The following MTOR variants were observed in gnomAD, a reference collection of about 807,000 sequenced individuals.
The protein encoded by MTOR is serine/threonine-protein kinase mTOR.
A neutral mutation model predicts 319.8 loss-of-function variants in MTOR; 70 were observed. The observed-to-expected ratio is 0.22, with a 90% CI of 0.18 to 0.27. The LOEUF (loss-of-function observed/expected upper bound fraction) is 0.27. MTOR is among the 10% of genes least tolerant of loss of function. The probability of loss-of-function intolerance (pLI) is 1.00; values close to 1 mark genes in which losing one functional copy is unlikely to be tolerated. For missense variants in MTOR, 1,890 were observed against 3,274.4 expected, an observed-to-expected ratio of 0.58 and a Z score of 10.32; for synonymous variants, 1,183 against 1,211.4, an observed-to-expected ratio of 0.98 and a Z score of 0.49.
intron 26 of MTOR, among the ~76,000 whole-genome samples, chr1:11,200,932 T>G (rs897731536): frequency 2.6e-5 from 4 of 151,816 alleles, no homozygotes; most frequent in Admixed American, 1.3e-4. Flanking sequence ...GGAGAATGGC[T>G]TGAACCTGGG....
chr1:11,242,500 CAAAAAA>C, intron 9 of MTOR, among the ~76,000 whole-genome samples: 1 of 52,632 alleles, frequency 1.9e-5, no homozygotes, highest in African/African-American at 8.6e-5. Flanking sequence ...GACTCCATCT[CAAAAAA>C]AAAAAAAAAA....
At chr1:11,256,713 G>A (rs567904601) in intron 4 of MTOR, among the ~76,000 whole-genome samples, 18 of 152,072 alleles carry the variant, frequency 1.2e-4, no homozygotes, top group Non-Finnish European at 2.2e-4. Flanking sequence ...TGCCTCCTCC[G>A]AAGGGCAGCA....
Position 11,233,576 on chromosome 1 carries a change from A to G in MTOR, c.2332-89T>C, listed in dbSNP as rs563945807. 4.1e-6 allele frequency: 4 copies of G among 969,174 alleles called. No individual in the cohort carries two copies. In the South Asian group the frequency reaches 5.7e-5, roughly 14 times the overall value. The allele number at this position is 969,174 out of a possible 1,614,324, so 60.0% of individuals were successfully genotyped here. ...ATAAGTAAAATTCACCCAAGAGACC[A>G]TCTCAGTCATAAAGAAATTCCTTCT... On this transcript the variant is annotated intron_variant, in intron 14 of 57. Coordinates refer to ENST00000361445, the MANE Select transcript of MTOR (RefSeq NM_004958.4).
chr1:11,186,124 G>A (rs1436028771), intron 28 of MTOR, among the ~76,000 whole-genome samples: 1 of 150,412 alleles, frequency 6.6e-6, no homozygotes, highest in African/African-American at 2.4e-5. Flanking sequence ...TTCAACGGCT[G>A]TATAGAGTAT....
In MTOR at chr1:11,109,658, G is replaced by T; in HGVS notation, c.7438C>A (p.His2480Asn). 1 of 1,614,060 alleles carries T rather than the reference G, an allele frequency of 6.2e-7. No homozygotes were observed. Among genetic ancestry groups the T allele is most frequent in the Non-Finnish European group, 8.5e-7 (1 of 1,179,932 alleles). ...CAGAGGCTGAACTTACTGAAAGAAT[G>T]AATAGATTCTGGCACTGTGGTCCCC... ...KTGTTVPESIHSFIGDGLVKP... is the reference protein window; with the variant it reads ...KTGTTVPESINSFIGDGLVKP... The change falls in exon 55 of 58, where the codon CAT becomes AAT. Residue 2480 changes from histidine (H) to asparagine (N), a missense_variant. Around this residue, in one of 15 missense-constraint regions of MTOR, gnomAD observed 49 missense variants for 67.6 expected, o/e 0.72. Coordinates refer to ENST00000361445, the MANE Select transcript of MTOR (RefSeq NM_004958.4). This position sits in a 1 kb window ranked among gnomAD's most constrained non-coding sequence, Gnocchi z 4.0.
At chr1:11,218,308 T>C (rs1451704711) in intron 19 of MTOR, among the ~76,000 whole-genome samples, 1 of 151,928 alleles carries the variant, frequency 6.6e-6, no homozygotes, top group East Asian at 1.9e-4. Flanking sequence ...CATGTGCCTG[T>C]AATCCCAGCT....
chr1:11,194,556 C>A, intron 28 of MTOR: 1 of 1,614,172 alleles, frequency 6.2e-7, no homozygotes, highest in Non-Finnish European at 8.5e-7. Context: ...ACTACACTGG[C>A]AATGTGGGGA....
intron 31 of MTOR, among the ~76,000 whole-genome samples, chr1:11,148,109 G>A (rs1344602659): frequency 1.3e-5 from 2 of 152,176 alleles, no homozygotes; most frequent in African/African-American, 2.4e-5. Context: ...ATAGACAACT[G>A]TCCTCTCCCT....
intron 6 of MTOR, among the ~76,000 whole-genome samples, chr1:11,252,183 A>G (rs933553284): frequency 1.3e-5 from 2 of 152,244 alleles, no homozygotes; most frequent in African/African-American, 2.4e-5. Context: ...TATGTTAGTT[A>G]TAACACCTTA....
chr1:11,193,604 G>A (rs1645643184), intron 28 of MTOR: 1 of 1,603,838 alleles, frequency 6.2e-7, no homozygotes. Flanking sequence ...GGAGACTTCA[G>A]GCGGAGGCTG....
chr1:11,221,995 G>T (rs1646678607), intron 19 of MTOR, among the ~76,000 whole-genome samples: 1 of 151,178 alleles, frequency 6.6e-6, no homozygotes. Flanking sequence ...TCCAAAGAAT[G>T]AGGGTAGGAT....
At chr1:11,171,749 T>G (rs1644820997) in intron 28 of MTOR, among the ~76,000 whole-genome samples, 1 of 151,778 alleles carries the variant, frequency 6.6e-6, no homozygotes, top group African/African-American at 2.4e-5. Flanking sequence ...TAAGAGAGAG[T>G]CCAGGCCAGG....
rs748951577 is a variant in MTOR at position 11,109,769 on chromosome 1, C to A, written c.7367-40G>T. ...ATCAATTAACAGAAAATTCAAACAC[C>A]AAAAAGCCACTGTTGGTGTTAGCAT... On this transcript the variant is annotated intron_variant, in intron 54 of 57. Coordinates refer to ENST00000361445, the MANE Select transcript of MTOR (RefSeq NM_004958.4). This position sits in a 1 kb window ranked among gnomAD's most constrained non-coding sequence, Gnocchi z 4.0. 8.5e-5 allele frequency: 133 copies of A among 1,560,400 alleles called. No individual in the cohort carries two copies. The East Asian group carries it at 2.9e-3, about 34-fold the overall frequency.
intron 30 of MTOR, among the ~76,000 whole-genome samples, chr1:11,153,763 TATTTA>T (rs1241396545): frequency 3.3e-5 from 5 of 152,060 alleles, no homozygotes; most frequent in African/African-American, 4.8e-5. Context: ...TTTCACATTT[TATTTA>T]ATTTAAAAAT....
intron 32 of MTOR, among the ~76,000 whole-genome samples, chr1:11,146,141 G>A (rs1643920690): frequency 6.6e-6 from 1 of 152,140 alleles, no homozygotes; most frequent in African/African-American, 2.4e-5. Flanking sequence ...TAATTATAGT[G>A]TCCCAATGCC....
rs1234798274 is a variant in MTOR at position 11,135,626 on chromosome 1, G to A, written c.5131-1160C>T. ...AGGCGGGTGGATCACCTGAGGTCAG[G>A]AGTTCCAGACCAGCCTGGCCAACAT... On this transcript the variant is annotated intron_variant, in intron 36 of 57. Transcript: ENST00000361445. 3.3e-5 allele frequency among the ~76,000 whole-genome samples: 5 copies of A among 152,146 alleles called. No individual in the cohort carries two copies. The East Asian group carries it at 7.7e-4, about 23-fold the overall frequency.
chr1:11,175,393 G>C (rs1644950505), intron 28 of MTOR, among the ~76,000 whole-genome samples: 1 of 152,186 alleles, frequency 6.6e-6, no homozygotes, highest in African/African-American at 2.4e-5. Flanking sequence ...CTGATTAAAG[G>C]AGGCTGAATT....
Position 11,247,890 on chromosome 1 carries a change from G to C in MTOR, c.1045C>G (p.Pro349Ala). 6.2e-7 allele frequency: 1 copy of C among 1,614,172 alleles called. No individual in the cohort carries two copies. Among genetic ancestry groups the C allele is most frequent in the Non-Finnish European group, 8.5e-7 (1 of 1,180,046 alleles). Reference protein sequence around the residue: ...HQGLMGFGTSPSPAKSTLVES... With the variant: ...HQGLMGFGTSASPAKSTLVES... The stretch of plus-strand genomic sequence containing the variant: ...ACCAGGGTGGACTTAGCTGGACTGG[G>C]GGAGGTCCCAAATCCCATGAGGCCT... The change falls in exon 7 of 58, where the codon CCC becomes GCC. Residue 349 changes from proline (P) to alanine (A), a missense_variant. By Grantham distance (27) the Pro-to-Ala change is conservative (BLOSUM62 -1). Around this residue, in one of 15 missense-constraint regions of MTOR, gnomAD observed 418 missense variants for 543.1 expected, o/e 0.77. Coordinates refer to ENST00000361445, the MANE Select transcript of MTOR (RefSeq NM_004958.4).
chr1:11,115,584 C>A lies in MTOR; in HGVS notation c.7017-116G>T. On this transcript the variant is annotated intron_variant, in intron 50 of 57. Coordinates refer to ENST00000361445, the MANE Select transcript of MTOR (RefSeq NM_004958.4). This position sits in a 1 kb window ranked among gnomAD's most constrained non-coding sequence, Gnocchi z 4.5. ...GGCAAACGATAGCCCTCAGCCAATC[C>A]AGCCCCTCCACCTCCACTTCTGCAA... is the stretch of plus-strand genomic sequence containing the variant. 1 of 877,126 alleles carries A rather than the reference C, an allele frequency of 1.1e-6. No homozygotes were observed. 54.3% of individuals were successfully genotyped at this position (877,126 alleles called of 1,614,324 possible). A position where few individuals can be genotyped will look rare whatever the true frequency, so the allele number is the denominator to read the frequency against.
Sources: gnomAD v4.1 joint callset for allele counts (sites outside exome capture counted in the v4.1 genomes callset) on GRCh38, gnomAD v4.1.1 for gene constraint, gnomAD v4.1.1 regional missense constraint, Gnocchi (gnomAD v3.1) non-coding constraint, MANE v1.5 for transcripts, NCBI Gene and HGNC (gene_info 2026-07-23, HGNC 2026-07-21) for gene names.